The following CTTNBP2 variants were observed in gnomAD, a reference collection of about 807,000 sequenced individuals.
The protein encoded by CTTNBP2 is cortactin-binding protein 2.
A neutral mutation model predicts 156.9 loss-of-function variants in CTTNBP2; 108 were observed. The ratio of observed to expected loss-of-function variants is 0.69; its 90% CI spans 0.59 to 0.81. CTTNBP2 has a LOEUF of 0.81. Ranked by LOEUF, CTTNBP2 falls within the 30% of genes least tolerant of loss-of-function variation. The probability of loss-of-function intolerance (pLI) is 0.00; values close to 1 mark genes in which losing one functional copy is unlikely to be tolerated. For missense variants in CTTNBP2, 1,924 were observed against 2,035.4 expected, an observed-to-expected ratio of 0.95 and a Z score of 1.05; for synonymous variants, 767 against 751.8, an observed-to-expected ratio of 1.02 and a Z score of -0.33.
At position 117,745,916 on chromosome 7, in the gene CTTNBP2, A is replaced by C. The variant is rs769509440; in HGVS notation, c.3450T>G (p.Ala1150=). The C allele has an allele frequency of 1.2e-6, 2 of 1,614,132 alleles. No individual in the cohort carries two copies. The highest frequency in any genetic ancestry group is 2.2e-5 in the East Asian group (1 of 44,866). ...TCACTATTTCACAGGAGAATCCTGC[A>C]GCCATTTGTCTGTGCTGTGATAAGA... ...LALCLKHRQM[A]AGFSCEIVRA... Residue 1150 remains alanine (A), a synonymous_variant, in exon 14 of 23, where the codon GCT becomes GCG. Transcript: ENST00000160373.
chr7:117,746,123 C>T, intron 12 of CTTNBP2, 24 bp from the exon 13 acceptor site: 2 of 1,559,570 alleles, frequency 1.3e-6, no homozygotes, highest in Non-Finnish European at 1.8e-6. Flanking sequence ...AAGTAGAGAG[C>T]TAGGGTGAAG....
chr7:117,773,659 A>G (rs866281955), intron 8 of CTTNBP2, among the ~76,000 whole-genome samples: 1 of 108,454 alleles, frequency 9.2e-6, no homozygotes, highest in African/African-American at 5.9e-5. Context: ...ACACACACAC[A>G]CACACACACA....
At chr7:117,799,549 T>C (rs1419403624) in intron 3 of CTTNBP2, among the ~76,000 whole-genome samples, 1 of 152,014 alleles carries the variant, frequency 6.6e-6, no homozygotes, top group African/African-American at 2.4e-5. Flanking sequence ...AACATTGTAC[T>C]TAATGATGAA....
chr7:117,723,752 C>CTTT (rs35193550), intron 19 of CTTNBP2, among the ~76,000 whole-genome samples: 5 of 133,532 alleles, frequency 3.7e-5, no homozygotes, highest in African/African-American at 8.5e-5. Flanking sequence ...ACGGCAGGAT[C>CTTT]TTTTTTTTTT....
At chr7:117,774,135 T>C (rs1211538947) in intron 8 of CTTNBP2, among the ~76,000 whole-genome samples, 2 of 152,198 alleles carry the variant, frequency 1.3e-5, no homozygotes, top group African/African-American at 2.4e-5. Context: ...TTATCCTTAG[T>C]TCAGCAGCCT....
At chr7:117,743,829 G>C (rs1368248484) in intron 14 of CTTNBP2, among the ~76,000 whole-genome samples, 3 of 138,620 alleles carry the variant, frequency 2.2e-5, no homozygotes, top group Non-Finnish European at 4.6e-5. Context: ...CAAAATGTTA[G>C]CTACAATTAG....
Position 117,757,949 on chromosome 7 carries a change from C to G in CTTNBP2, c.3194G>C (p.Gly1065Ala). 1 of 1,613,344 alleles carries G rather than the reference C, an allele frequency of 6.2e-7. No individual in the cohort carries two copies. The stretch of plus-strand genomic sequence containing the variant: ...CCACGGGGACTGCGCGAAGCTCTGA[C>G]CCACTGACCACGGCACATTTCCTAG... The part of the protein sequence containing the change: ...ITLGNVPWSV[G>A]QSFAQSPWDF... Residue 1065 changes from glycine to alanine, a missense_variant, in exon 11 of 23, where the codon GGT becomes GCT. Physicochemically the swap from Gly to Ala is moderately conservative, Grantham distance 60 (BLOSUM62 0). Transcript: ENST00000160373.
chr7:117,775,746 A>C (rs1380932598), intron 8 of CTTNBP2, among the ~76,000 whole-genome samples: 1 of 152,076 alleles, frequency 6.6e-6, no homozygotes, highest in East Asian at 1.9e-4. Flanking sequence ...TCCTAGATTA[A>C]CTGTGCATAT....
rs781069749 is a variant in CTTNBP2 at position 117,780,501 on chromosome 7, T to C, written c.2463A>G (p.Gly821=). The C allele has an allele frequency of 2.5e-6, 4 of 1,602,622 alleles. No homozygotes were observed. In the East Asian group the frequency reaches 9.1e-5, roughly 36 times the overall value. The stretch of plus-strand genomic sequence containing the variant: ...ACAAGAGTTTAATACATTCTTTATT[T>C]CCATTTTTACAGGCCAGGTATAGAG... The part of the protein sequence containing the change: ...QTPLYLACKN[G]NKECIKLLLE... Residue 821 remains glycine, a synonymous_variant, in exon 7 of 23, where the codon GGA becomes GGG. Transcript: ENST00000160373.
chr7:117,718,730 C>A (rs1794608456), intron 21 of CTTNBP2, among the ~76,000 whole-genome samples: 1 of 152,160 alleles, frequency 6.6e-6, no homozygotes, highest in Non-Finnish European at 1.5e-5. Context: ...TGATGATATG[C>A]ATTATACAAG....
At chr7:117,748,876 G>A (rs1796479286) in intron 12 of CTTNBP2, among the ~76,000 whole-genome samples, 1 of 152,156 alleles carries the variant, frequency 6.6e-6, no homozygotes, top group African/African-American at 2.4e-5. Context: ...GGGGTTGTTA[G>A]GAGGGATTAG....
chr7:117,763,555 C>CT (rs767309488), intron 9 of CTTNBP2, among the ~76,000 whole-genome samples: 1,503 of 103,352 alleles, frequency 0.015, 20 homozygotes, highest in South Asian at 0.029. Context: ...TCTTCTTCTT[C>CT]TTTTTTTTTT....
intron 16 of CTTNBP2, among the ~76,000 whole-genome samples, chr7:117,732,229 C>G (rs1795440358): frequency 1.3e-5 from 2 of 152,084 alleles, no homozygotes; most frequent in Non-Finnish European, 2.9e-5. Flanking sequence ...CACCATATAA[C>G]ACACATGACC....
At chr7:117,853,311 G>A (rs564516491) in intron 2 of CTTNBP2, among the ~76,000 whole-genome samples, 6 of 152,270 alleles carry the variant, frequency 3.9e-5, no homozygotes, top group South Asian at 2.1e-4. Flanking sequence ...CTTTTAGCTG[G>A]TTGTGAACAG....
chr7:117,837,521 G>A (rs769955575), intron 2 of CTTNBP2, among the ~76,000 whole-genome samples: 5 of 152,018 alleles, frequency 3.3e-5, no homozygotes, highest in Non-Finnish European at 5.9e-5. Flanking sequence ...CAAAATGCTT[G>A]GACCCAGAAT....
chr7:117,730,157 C>A (rs908572467), intron 16 of CTTNBP2, among the ~76,000 whole-genome samples: 1 of 152,136 alleles, frequency 6.6e-6, no homozygotes, highest in Admixed American at 6.5e-5. Context: ...CCTCCCTAGG[C>A]CTGAGATGTG....
chr7:117,739,432 C>T (rs1428959205), intron 14 of CTTNBP2, among the ~76,000 whole-genome samples: 1 of 152,204 alleles, frequency 6.6e-6, no homozygotes, highest in Non-Finnish European at 1.5e-5. Context: ...TAAAACCAGT[C>T]TGCTCTTTTT....
intron 8 of CTTNBP2, among the ~76,000 whole-genome samples, chr7:117,776,180 T>G (rs1217116941): frequency 6.6e-6 from 1 of 152,202 alleles, no homozygotes; most frequent in African/African-American, 2.4e-5. Context: ...GTCACTATTA[T>G]CTTTTTATTC....
chr7:117,842,269 C>T lies in CTTNBP2; in HGVS notation c.189+18940G>A, dbSNP rs375701080. Among the ~76,000 whole-genome samples the T allele has an allele frequency of 8.7e-4, 132 of 152,244 alleles. 1 individual carries two copies. Among genetic ancestry groups the T allele is most frequent in the African/African-American group, 2.9e-3 (122 of 41,538 alleles). On this transcript the variant is annotated intron_variant, in intron 2 of 22. Coordinates refer to ENST00000160373, the MANE Select transcript of CTTNBP2 (RefSeq NM_033427.3). ...AGGCTGGAGTGCAATGGTGCGATCC[C>T]GGCTCACTACAATCTCTGCCTCCCA...
Sources: gnomAD v4.1 joint callset for allele counts (sites outside exome capture counted in the v4.1 genomes callset) on GRCh38, gnomAD v4.1.1 for gene constraint, MANE v1.5 for transcripts, NCBI Gene and HGNC (gene_info 2026-07-23, HGNC 2026-07-21) for gene names.